The following PTPN3 variants were observed in gnomAD, a reference collection of about 807,000 sequenced individuals.
PTPN3 encodes tyrosine-protein phosphatase non-receptor type 3.
A neutral mutation model predicts 132.7 loss-of-function variants in PTPN3; 96 were observed. That is an observed-to-expected ratio of 0.72 (90% CI 0.61 to 0.86). The LOEUF (loss-of-function observed/expected upper bound fraction) is 0.86, where lower values mean the gene tolerates loss of function less well. PTPN3 is among the 40% of genes least tolerant of loss of function. The pLI, the probability that PTPN3 is intolerant of heterozygous loss-of-function variation, is 0.00. For missense variants in PTPN3, 1,125 were observed against 1,159.6 expected (o/e 0.97, Z 0.43); for synonymous variants, 398 against 429.0 (o/e 0.93, Z 0.89).
At chr9:109,384,108 G>A (rs997965279) in intron 22 of PTPN3, among the ~76,000 whole-genome samples, 1 of 152,170 alleles carries the variant, frequency 6.6e-6, no homozygotes, top group Non-Finnish European at 1.5e-5. Context: ...TTTTCCACCG[G>A]GAAGATGGAG....
intron 18 of PTPN3, among the ~76,000 whole-genome samples, chr9:109,405,620 C>T (rs1841499015): frequency 6.6e-6 from 1 of 152,184 alleles, no homozygotes; most frequent in Non-Finnish European, 1.5e-5. Context: ...GATGGAGTCT[C>T]ACTCTGTCAC....
chr9:109,529,384 G>A, the PTPN3 span, among the ~76,000 whole-genome samples: 7 of 152,208 alleles, frequency 4.6e-5, no homozygotes, highest in African/African-American at 1.7e-4. Flanking sequence ...ATCCCTTCAG[G>A]TGATACTGAT....
rs565279506 is a variant in PTPN3, at chr9:109,383,246, T to C, written c.2382+177A>G. 84 of 1,087,858 alleles carry C rather than the reference T, an allele frequency of 7.7e-5. No individual in the cohort carries two copies. In the African/African-American group the frequency reaches 1.2e-3, roughly 16 times the overall value. 67.4% of individuals were successfully genotyped at this position (1,087,858 alleles called of 1,614,324 possible). On this transcript the variant is annotated intron_variant, in intron 23 of 25. Coordinates refer to ENST00000374541, the MANE Select transcript of PTPN3 (RefSeq NM_002829.4). ...GGCTGTTTGCACCTCGTGCCTGTTGTGACTAGGGCCACTGTGAACTCTGGG... is the reference window on the plus strand; with the variant it reads ...GGCTGTTTGCACCTCGTGCCTGTTGCGACTAGGGCCACTGTGAACTCTGGG...
chr9:109,394,955 T>C (rs1217939629), intron 19 of PTPN3, among the ~76,000 whole-genome samples: 1 of 151,858 alleles, frequency 6.6e-6, no homozygotes, highest in East Asian at 1.9e-4. Context: ...CAGGCTAACA[T>C]GGTGAAACCC....
the PTPN3 span, among the ~76,000 whole-genome samples, chr9:109,531,058 G>T: frequency 1.1e-4 from 17 of 152,142 alleles, no homozygotes; most frequent in African/African-American, 4.1e-4. Context: ...ATGCACCAAA[G>T]TTTTTCATTT....
chr9:109,472,691 G>T (rs1161578708), intron 1 of PTPN3, among the ~76,000 whole-genome samples: 1 of 152,046 alleles, frequency 6.6e-6, no homozygotes, highest in African/African-American at 2.4e-5. Context: ...ACTACCTTCT[G>T]CCATTTTTAG....
intron 14 of PTPN3, among the ~76,000 whole-genome samples, chr9:109,415,303 T>TA (rs1163145689): frequency 2.6e-5 from 4 of 152,098 alleles, no homozygotes; most frequent in Non-Finnish European, 5.9e-5. Context: ...ATGTCTAGGG[T>TA]ACTGTGTAAG....
At chr9:109,480,088 A>G (rs1344170085) in intron 1 of PTPN3, among the ~76,000 whole-genome samples, 1 of 152,220 alleles carries the variant, frequency 6.6e-6, no homozygotes, top group Admixed American at 6.5e-5. Flanking sequence ...GATGCTGAGC[A>G]TCTTTTCATG....
chr9:109,453,096 A>G (rs1297417769), intron 5 of PTPN3, among the ~76,000 whole-genome samples: 4 of 152,350 alleles, frequency 2.6e-5, no homozygotes, highest in African/African-American at 9.6e-5. Context: ...GACACCTTGG[A>G]CATTGGCTTA....
chr9:109,462,331 C>T (rs529126935), intron 2 of PTPN3, among the ~76,000 whole-genome samples: 142 of 152,374 alleles, frequency 9.3e-4, no homozygotes, highest in Admixed American at 2.3e-3. Flanking sequence ...CTGCCTACAT[C>T]AAGGTCCATG....
In PTPN3 at chr9:109,377,458, A is replaced by ACACACACACACACACAC. The variant is rs1564361868; in HGVS notation, c.*2097_*2098insGTGTGTGTGTGTGTGTG. The ACACACACACACACACAC allele has an allele frequency of 4.6e-5, 6 of 129,930 alleles. No homozygotes were observed. Among genetic ancestry groups the ACACACACACACACACAC allele is most frequent in the East Asian group, 2.3e-4 (1 of 4,400 alleles). The allele number at this position is 129,930 out of a possible 1,614,324, so 8.0% of individuals were successfully genotyped here. A position where few individuals can be genotyped will look rare whatever the true frequency, so the allele number is the denominator to read the frequency against. ...CACACACACACACACACACACACACAAGCCAGGTGAGGTGGCATGTGCCTA... is the reference window on the plus strand; with the variant it reads ...CACACACACACACACACACACACACACACACACACACACACACAGCCAGGTGAGGTGGCATGTGCCTA... On this transcript the variant is annotated 3_prime_UTR_variant, in exon 26 of 26. Transcript: ENST00000374541.
At chr9:109,428,933 T>C (rs1288814811) in intron 10 of PTPN3, 1 of 985,248 alleles carries the variant, frequency 1.0e-6, no homozygotes, top group Admixed American at 6.1e-5. Flanking sequence ...ACAAGAAACA[T>C]AGGCCATGCG....
intron 19 of PTPN3, chr9:109,392,829 C>G (rs1840243805): frequency 6.6e-6 from 1 of 152,190 alleles, no homozygotes; most frequent in Non-Finnish European, 1.5e-5. Flanking sequence ...GTCTCAAACT[C>G]CTGACCTCAA....
At chr9:109,477,186 A>C (rs924101552) in intron 1 of PTPN3, among the ~76,000 whole-genome samples, 1 of 152,202 alleles carries the variant, frequency 6.6e-6, no homozygotes, top group African/African-American at 2.4e-5. Context: ...TGGTAAACGG[A>C]GCCCCACACT....
intron 8 of PTPN3, among the ~76,000 whole-genome samples, chr9:109,437,793 G>A (rs1005231282): frequency 6.6e-6 from 1 of 152,178 alleles, no homozygotes; most frequent in African/African-American, 2.4e-5. Context: ...ACTGCTAAGA[G>A]GTTTACCTTG....
chr9:109,402,366 C>T (rs965677692), intron 19 of PTPN3, among the ~76,000 whole-genome samples: 1 of 152,032 alleles, frequency 6.6e-6, no homozygotes, highest in Non-Finnish European at 1.5e-5. Flanking sequence ...GCAACCTCCG[C>T]CTCCTGGGTT....
chr9:109,486,856 G>A (rs959082370), intron 1 of PTPN3, among the ~76,000 whole-genome samples: 3 of 152,086 alleles, frequency 2.0e-5, no homozygotes, highest in African/African-American at 4.8e-5. Flanking sequence ...GAGATCTGAT[G>A]GTTTTATAAG....
In PTPN3 at chr9:109,378,717, T is replaced by G. The variant is rs2131567580; in HGVS notation, c.*839A>C. ...AGGTTTCAAGTGGAGGAGCTTGAAG[T>G]AGCAGCAATACATGTAGGAGATTCA... On this transcript the variant is annotated 3_prime_UTR_variant, in exon 26 of 26. Coordinates refer to ENST00000374541, the MANE Select transcript of PTPN3 (RefSeq NM_002829.4). The G allele has an allele frequency of 6.5e-6, 1 of 152,752 alleles. No individual in the cohort carries two copies. Among genetic ancestry groups the G allele is most frequent in the Admixed American group, 6.5e-5 (1 of 15,290 alleles). 9.5% of individuals were successfully genotyped at this position (152,752 alleles called of 1,614,324 possible).
chr9:109,489,046 G>A (rs942629777), intron 1 of PTPN3, among the ~76,000 whole-genome samples: 4 of 152,202 alleles, frequency 2.6e-5, no homozygotes, highest in Non-Finnish European at 4.4e-5. Context: ...GAGGAAAGAA[G>A]ATAAGGTCTA....
Sources: gnomAD v4.1 joint callset for allele counts (sites outside exome capture counted in the v4.1 genomes callset) on GRCh38, gnomAD v4.1.1 for gene constraint, MANE v1.5 for transcripts, NCBI Gene and HGNC (gene_info 2026-07-23, HGNC 2026-07-21) for gene names.